The following MRPS18A variants were observed in gnomAD, a reference collection of about 807,000 sequenced individuals.
The protein encoded by MRPS18A is mitochondrial ribosomal protein S18A.
Under a neutral mutation model 22.7 loss-of-function variants are expected in MRPS18A, and 20 were observed. The ratio of observed to expected loss-of-function variants is 0.88; its 90% confidence interval spans 0.62 to 1.28. MRPS18A has a LOEUF of 1.28. MRPS18A is among the 50% of genes most tolerant of loss of function. The pLI, the probability that MRPS18A is intolerant of heterozygous loss-of-function variation, is 0.00. For missense variants in MRPS18A, 294 were observed against 262.6 expected (o/e 1.12, Z -0.83); for synonymous variants, 106 against 99.1 (o/e 1.07, Z -0.41).
intron 1 of MRPS18A, 76 bp downstream of exon 1, chr6:43,687,592 G>C: frequency 2.4e-6 from 3 of 1,264,770 alleles, no homozygotes; most frequent in Non-Finnish European, 3.4e-6. Context: ...AGGTAGGAAG[G>C]AGCGCACCGG....
rs1773686194 is a variant in MRPS18A at position 43,671,356 on chromosome 6, C to T, written c.*406G>A. The T allele has an allele frequency of 5.0e-6, 2 of 398,372 alleles. No homozygotes were observed. Among genetic ancestry groups the T allele is most frequent in the South Asian group, 5.5e-5 (2 of 36,040 alleles). The allele number at this position is 398,372 out of a possible 1,614,324, so 24.7% of individuals were successfully genotyped here. The stretch of plus-strand genomic sequence containing the variant: ...CCATGAATTCAATTGACTCATTGGC[C>T]CCATCACAAGAGATCAGTGACTCAA... On this transcript the variant is annotated 3_prime_UTR_variant, in exon 6 of 6. Transcript: ENST00000372133.
intron 5 of MRPS18A, among the ~76,000 whole-genome samples, chr6:43,674,432 C>T (rs561300046): frequency 5.9e-5 from 9 of 152,302 alleles, no homozygotes; most frequent in African/African-American, 2.2e-4. Context: ...GAGGAAAGGG[C>T]CATTGGTAGG....
At chr6:43,677,838 A>G (rs1774145313) in intron 3 of MRPS18A, among the ~76,000 whole-genome samples, 1 of 151,616 alleles carries the variant, frequency 6.6e-6, no homozygotes, top group Non-Finnish European at 1.5e-5. Flanking sequence ...TATGCACTCA[A>G]TGTTAGCTGT....
rs1457226704 is a variant in MRPS18A at position 43,673,255 on chromosome 6, T to C, written c.447-1349A>G. 6.6e-6 allele frequency among the ~76,000 whole-genome samples: 1 copy of C among 152,110 alleles called. No homozygotes were observed. The highest frequency in any genetic ancestry group is 1.5e-5 in the Non-Finnish European group (1 of 68,022). On this transcript the variant is annotated intron_variant, in intron 5 of 5. Coordinates refer to ENST00000372133, the MANE Select transcript of MRPS18A (RefSeq NM_018135.4). This position sits in a 1 kb window ranked among gnomAD's most constrained non-coding sequence, Gnocchi z 4.2. The stretch of plus-strand genomic sequence containing the variant: ...CGCCCGCCTCGGCCTCCCAAATTGC[T>C]GGGATTACAGGTGTGAGGGGACTGC...
chr6:43,671,582 T>C lies in MRPS18A; in HGVS notation c.*180A>G, dbSNP rs1773697662. On this transcript the variant is annotated 3_prime_UTR_variant, in exon 6 of 6. Transcript: ENST00000372133. ...CCTGCCTGCCTCTAGCTCCCAGCAT[T>C]GCTACTGTGCAGGCCAAGGGTACTG... 4.4e-6 allele frequency: 3 copies of C among 684,214 alleles called. No individual in the cohort carries two copies. The South Asian group carries it at 5.6e-5, about 13-fold the overall frequency. 42.4% of individuals were successfully genotyped at this position (684,214 alleles called of 1,614,324 possible). A position where few individuals can be genotyped will look rare whatever the true frequency, so the allele number is the denominator to read the frequency against.
intron 3 of MRPS18A, among the ~76,000 whole-genome samples, chr6:43,676,162 T>C (rs1260668602): frequency 1.3e-5 from 2 of 152,168 alleles, no homozygotes; most frequent in Non-Finnish European, 2.9e-5. Flanking sequence ...CCTGAGATCA[T>C]CTTCTGATAG....
chr6:43,673,053 T>A lies in MRPS18A; in HGVS notation c.447-1147A>T, dbSNP rs1157983187. On this transcript the variant is annotated intron_variant, in intron 5 of 5. Transcript: ENST00000372133. This position sits in a 1 kb window ranked among gnomAD's most constrained non-coding sequence, Gnocchi z 4.2. The stretch of plus-strand genomic sequence containing the variant: ...CCCAAGCTGGAGTGCAGTGGCGCGA[T>A]CTCGGCTCACTGCAACTTCCGCCTC... Among the ~76,000 whole-genome samples, 1 of 150,476 alleles carries A rather than the reference T, an allele frequency of 6.6e-6. No homozygotes were observed. Among genetic ancestry groups the A allele is most frequent in the African/African-American group, 2.5e-5 (1 of 40,758 alleles).
At chr6:43,675,994 G>C (rs1400807763) in intron 3 of MRPS18A, among the ~76,000 whole-genome samples, 3 of 151,946 alleles carry the variant, frequency 2.0e-5, no homozygotes, top group African/African-American at 7.3e-5. Flanking sequence ...TGAGTAGCTG[G>C]GACTATAGGT....
At position 43,675,489 on chromosome 6, in the gene MRPS18A, T is replaced by C. The variant is rs781527101; in HGVS notation, c.376+5A>G. The C allele has an allele frequency of 1.9e-6, 3 of 1,614,206 alleles. No homozygotes were observed. Among genetic ancestry groups the C allele is most frequent in the East Asian group, 4.5e-5 (2 of 44,888 alleles). On this transcript the variant is annotated splice_donor_5th_base_variant and intron_variant, in intron 4 of 5. Coordinates refer to ENST00000372133, the MANE Select transcript of MRPS18A (RefSeq NM_018135.4). ...CTGCCCCTCTTGGTCCCCAGGGCCT[T>C]CTACCTGCTCGGTGGGCCATCTTCA...
intron 2 of MRPS18A, among the ~76,000 whole-genome samples, chr6:43,679,692 G>A (rs1159804380): frequency 1.3e-5 from 2 of 152,162 alleles, no homozygotes; most frequent in African/African-American, 4.8e-5. Context: ...GTCTCCTGGG[G>A]GAGAAGTGGC....
rs1389092340 is a variant in MRPS18A at position 43,687,788 on chromosome 6, A to G, written c.-9T>C. 2 of 1,551,550 alleles carry G rather than the reference A, an allele frequency of 1.3e-6. No individual in the cohort carries two copies. Among genetic ancestry groups the G allele is most frequent in the Admixed American group, 3.9e-5 (2 of 50,942 alleles). ...GCCTTGAGGGCCGCCATCTTCAAAA[A>G]CCTACCCTGACCTCTCGTCCATTTC... On this transcript the variant is annotated 5_prime_UTR_variant, in exon 1 of 6. Transcript: ENST00000372133.
At chr6:43,685,457 C>T (rs1366056058) in intron 1 of MRPS18A, among the ~76,000 whole-genome samples, 1 of 152,108 alleles carries the variant, frequency 6.6e-6, no homozygotes, top group Non-Finnish European at 1.5e-5. Flanking sequence ...CAGCGTCCCT[C>T]GCCTCTACCC....
At chr6:43,684,471 A>G (rs989391613) in intron 1 of MRPS18A, among the ~76,000 whole-genome samples, 2 of 152,172 alleles carry the variant, frequency 1.3e-5, no homozygotes, top group African/African-American at 4.8e-5. Flanking sequence ...TGCTTCCTCC[A>G]GTTCATCTTT....
chr6:43,676,089 A>C (rs1241869901), intron 3 of MRPS18A, among the ~76,000 whole-genome samples: 2 of 152,034 alleles, frequency 1.3e-5, no homozygotes, highest in African/African-American at 2.4e-5. Context: ...GGGCTCAAGC[A>C]ATCTGCCTGC....
At chr6:43,674,114 G>A (rs1267778695) in intron 5 of MRPS18A, among the ~76,000 whole-genome samples, 2 of 152,170 alleles carry the variant, frequency 1.3e-5, no homozygotes, top group African/African-American at 4.8e-5. Context: ...GGTAGAGATG[G>A]GCACACAGCC....
At chr6:43,679,847 T>TGGGTTGG (rs1273046312) in intron 2 of MRPS18A, among the ~76,000 whole-genome samples, 1 of 151,488 alleles carries the variant, frequency 6.6e-6, no homozygotes, top group African/African-American at 2.4e-5. Context: ...CAGGTTGCAG[T>TGGGTTGG]GGGTTGGGGG....
At chr6:43,677,845 CTGT>C (rs745347212) in intron 3 of MRPS18A, among the ~76,000 whole-genome samples, 2 of 151,806 alleles carry the variant, frequency 1.3e-5, no homozygotes, top group Non-Finnish European at 2.9e-5. Flanking sequence ...TCAATGTTAG[CTGT>C]TGTTATTATT....
At chr6:43,672,490 C>A (rs553403051) in intron 5 of MRPS18A, 1 of 465,884 alleles carries the variant, frequency 2.1e-6, no homozygotes, top group South Asian at 1.6e-5. Context: ...CGCCCATGGA[C>A]CTTTGGCCTC....
chr6:43,677,533 G>A (rs1172009915), intron 3 of MRPS18A, among the ~76,000 whole-genome samples: 2 of 152,192 alleles, frequency 1.3e-5, no homozygotes, highest in Non-Finnish European at 2.9e-5. Flanking sequence ...ACCTGTGAGA[G>A]CTCTGAAGAA....
Sources: gnomAD v4.1 joint callset for allele counts (sites outside exome capture counted in the v4.1 genomes callset) on GRCh38, gnomAD v4.1.1 for gene constraint, Gnocchi (gnomAD v3.1) non-coding constraint, MANE v1.5 for transcripts, NCBI Gene and HGNC (gene_info 2026-07-23, HGNC 2026-07-21) for gene names.